LINC00632: variants seen among roughly 807,000 people sequenced by gnomAD.
LINC00632 encodes long independently transcribed non-coding RNA 632, also known as ALDOA related specific transcript.
intron 2 of LINC00632, among the ~76,000 whole-genome samples, chrX:140,717,130 G>A (rs769734271): frequency 1.7e-4 from 19 of 109,901 alleles, no homozygotes; most frequent in Non-Finnish European, 3.8e-5. Flanking sequence ...GAATACAGGC[G>A]CGTCCATGCC....
At chrX:140,777,117 A>G (rs1931881908) in exon 5 of LINC00632, among the ~76,000 whole-genome samples, 1 of 97,115 alleles carries the variant, frequency 1.0e-5, no homozygotes, top group Non-Finnish European at 2.1e-5. Flanking sequence ...TGGGAGGGGA[A>G]CAACACACAC....
At chrX:140,744,947 C>T (rs1292999593) in intron 3 of LINC00632, among the ~76,000 whole-genome samples, 1 of 110,296 alleles carries the variant, frequency 9.1e-6, no homozygotes, top group Admixed American at 9.8e-5. Context: ...CCCAGACCAA[C>T]CAAGAGAGGC....
intron 3 of LINC00632, among the ~76,000 whole-genome samples, chrX:140,742,876 A>G (rs537315498): frequency 1.4e-4 from 12 of 86,011 alleles, no homozygotes; most frequent in South Asian, 5.9e-4. Flanking sequence ...AGAGAGAGAG[A>G]GAGGAAGGAA....
intron 2 of LINC00632, among the ~76,000 whole-genome samples, chrX:140,725,303 CACAA>C (rs773926710): frequency 5.7e-3 from 96 of 16,933 alleles, no homozygotes; most frequent in African/African-American, 9.8e-3. Context: ...ATTCCATACG[CACAA>C]ACACATTCCA....
exon 5 of LINC00632, among the ~76,000 whole-genome samples, chrX:140,788,815 TATA>T (rs1932060487): frequency 1.0e-5 from 1 of 95,783 alleles, no homozygotes; most frequent in African/African-American, 4.7e-5. Context: ...TATATGTATC[TATA>T]TTCCATATAT....
chrX:140,736,731 G>A (rs945504812), intron 3 of LINC00632, among the ~76,000 whole-genome samples: 18 of 108,940 alleles, frequency 1.7e-4, no homozygotes, highest in Non-Finnish European at 1.9e-5. Context: ...CACTGTACTC[G>A]GCCTAGTATC....
chrX:140,723,139 A>C (rs79261529), intron 2 of LINC00632, among the ~76,000 whole-genome samples: 1,666 of 105,204 alleles, frequency 0.016, 27 homozygotes, highest in African/African-American at 0.054. Flanking sequence ...GATTGAAAAC[A>C]TACAGAACAA....
At chrX:140,781,132 A>G (rs994303525) in exon 5 of LINC00632, among the ~76,000 whole-genome samples, 1 of 111,123 alleles carries the variant, frequency 9.0e-6, no homozygotes, top group African/African-American at 3.3e-5. Context: ...TTTGTATGCC[A>G]GTGTTCTCTT....
At chrX:140,711,238 G>A (rs1930509494) in intron 1 of LINC00632, among the ~76,000 whole-genome samples, 1 of 111,211 alleles carries the variant, frequency 9.0e-6, no homozygotes, top group Non-Finnish European at 1.9e-5. Context: ...TTTGAATAAT[G>A]TAAAGATGAT....
At chrX:140,735,630 A>T (rs1246485783) in intron 3 of LINC00632, among the ~76,000 whole-genome samples, 1 of 110,987 alleles carries the variant, frequency 9.0e-6, no homozygotes, top group African/African-American at 3.3e-5. Flanking sequence ...GCAATGGCGC[A>T]ATCTCGGCTC....
In LINC00632 at chrX:140,775,283, C is replaced by T. The variant is rs761259407; in HGVS notation, n.3302C>T. Among the ~76,000 whole-genome samples the T allele has an allele frequency of 2.7e-5, 3 of 112,039 alleles. No individual in the cohort carries two copies. The South Asian group carries it at 1.1e-3, about 41-fold the overall frequency. ...TTCCTTTCATAATTCCATATATTTA[C>T]TTCATTTGATTCAATTGTGTTACAA... On this transcript the variant is annotated non_coding_transcript_exon_variant, in exon 5 of 5. Transcript: ENST00000648200.
chrX:140,719,084 C>T (rs1036239011), intron 2 of LINC00632, among the ~76,000 whole-genome samples: 5 of 112,073 alleles, frequency 4.5e-5, no homozygotes, highest in African/African-American at 1.3e-4. Context: ...ACATTATCCC[C>T]GTGACATAAA....
chrX:140,769,876 T>G (rs1931761018), intron 3 of LINC00632, among the ~76,000 whole-genome samples: 2 of 111,753 alleles, frequency 1.8e-5, no homozygotes, highest in South Asian at 7.5e-4. Context: ...TTTGAGAGCA[T>G]TGCATGCTGG....
At chrX:140,740,999 T>C (rs1354518886) in intron 3 of LINC00632, among the ~76,000 whole-genome samples, 1 of 112,015 alleles carries the variant, frequency 8.9e-6, no homozygotes, top group Non-Finnish European at 1.9e-5. Flanking sequence ...GGGTAGTTAG[T>C]ACAACTCAAC....
In LINC00632 at chrX:140,749,408, A is replaced by G. The variant is rs941390806; in HGVS notation, n.191+15444A>G. Among the ~76,000 whole-genome samples the G allele has an allele frequency of 3.6e-5, 4 of 111,710 alleles. No homozygotes were observed. In the Admixed American group the frequency reaches 3.8e-4, roughly 11 times the overall value. The stretch of plus-strand genomic sequence containing the variant: ...TACGTTTTATTTTCTCTAATCTTGA[A>G]GTTAAACTAATTGGTCCAATTTTTA... On this transcript the variant is annotated intron_variant and non_coding_transcript_variant, in intron 3 of 4. Coordinates refer to ENST00000648200, the Ensembl canonical transcript of LINC00632.
exon 5 of LINC00632, among the ~76,000 whole-genome samples, chrX:140,786,530 G>A (rs1932021751): frequency 9.0e-6 from 1 of 111,258 alleles, no homozygotes; most frequent in Non-Finnish European, 1.9e-5. Context: ...ACTAATCTGA[G>A]TGCTAACAAT....
exon 5 of LINC00632, among the ~76,000 whole-genome samples, chrX:140,781,528 C>T (rs1272221009): frequency 9.0e-6 from 1 of 111,446 alleles, no homozygotes; most frequent in Non-Finnish European, 1.9e-5. Flanking sequence ...GCCTAGAGAT[C>T]TAAATTCTTA....
chrX:140,735,267 A>C (rs913116281), intron 3 of LINC00632, among the ~76,000 whole-genome samples: 5 of 111,462 alleles, frequency 4.5e-5, no homozygotes, highest in Non-Finnish European at 9.4e-5. Flanking sequence ...GATTAAAAAA[A>C]TTTTAACTAA....
chrX:140,736,918 G>C (rs1343436686), intron 3 of LINC00632, among the ~76,000 whole-genome samples: 1 of 94,513 alleles, frequency 1.1e-5, no homozygotes, highest in Non-Finnish European at 2.1e-5. Flanking sequence ...TTTTTTTCTG[G>C]AGTCAGAGTC....
Sources: allele counts gnomAD v4.1 joint callset (sites outside exome capture counted in the v4.1 genomes callset), GRCh38; gene constraint gnomAD v4.1.1; transcripts MANE v1.5; gene names NCBI Gene and HGNC (gene_info 2026-07-23, HGNC 2026-07-21).